Variants in PHLDB2 observed in about 807,000 individuals in gnomAD.
PHLDB2 encodes the protein pleckstrin homology like domain family B member 2.
A neutral mutation model predicts 123.6 loss-of-function variants in PHLDB2; 71 were observed. The observed-to-expected ratio is 0.57, with a 90% CI of 0.47 to 0.70. The LOEUF is 0.70. Among genes scored for constraint, PHLDB2 ranks in the 30% least tolerant of loss-of-function variants. PHLDB2 has a pLI of 0.00. For synonymous variants in PHLDB2, 547 were observed against 541.6 expected (o/e 1.01, Z -0.14); for missense variants, 1,446 against 1,519.5 (o/e 0.95, Z 0.80).
At chr3:111,764,199 G>A (rs953335019) in intron 1 of PHLDB2, among the ~76,000 whole-genome samples, 1 of 152,176 alleles carries the variant, frequency 6.6e-6, no homozygotes, top group African/African-American at 2.4e-5. Flanking sequence ...ATCTGATGAA[G>A]TAATGTTTGG....
At chr3:111,831,042 G>GAAGGAAGGAAGGAAGA (rs1559855461) in intron 1 of PHLDB2, among the ~76,000 whole-genome samples, 1 of 105,346 alleles carries the variant, frequency 9.5e-6, no homozygotes, top group African/African-American at 5.3e-5. Context: ...AGGAAGGAAG[G>GAAGGAAGGAAGGAAGA]AAGAAAGAGA....
chr3:111,779,243 A>G (rs1052803018), intron 1 of PHLDB2, among the ~76,000 whole-genome samples: 3 of 137,738 alleles, frequency 2.2e-5, no homozygotes, highest in African/African-American at 6.3e-5. Flanking sequence ...CAAAATCTAT[A>G]TATTTTTTTC....
chr3:111,904,630 C>A lies in PHLDB2; in HGVS notation c.1336-8689C>A, dbSNP rs369968714. 8.1e-4 allele frequency among the ~76,000 whole-genome samples: 123 copies of A among 152,130 alleles called. 1 individual carries two copies. The highest frequency in any genetic ancestry group is 3.7e-3 in the Admixed American group (57 of 15,266). ...GAAGTAGGGAAGTAGAAAAGTAGAT[C>A]TACTGGATAATCTGATCAAGATGGC... is the stretch of plus-strand genomic sequence containing the variant. On this transcript the variant is annotated intron_variant, in intron 2 of 17. Transcript: ENST00000431670.
chr3:111,926,709 T>A (rs2068831952), intron 5 of PHLDB2, among the ~76,000 whole-genome samples: 1 of 152,120 alleles, frequency 6.6e-6, no homozygotes, highest in South Asian at 2.1e-4. Context: ...CAGAGAATGG[T>A]TGGTTACTCA....
intron 1 of PHLDB2, among the ~76,000 whole-genome samples, chr3:111,770,543 C>T (rs1400515487): frequency 2.0e-5 from 3 of 152,204 alleles, no homozygotes; most frequent in South Asian, 2.1e-4. Flanking sequence ...ACAAAATATG[C>T]CAGGTTATAA....
At chr3:111,898,281 A>G (rs1196354177) in intron 2 of PHLDB2, among the ~76,000 whole-genome samples, 2 of 151,662 alleles carry the variant, frequency 1.3e-5, no homozygotes, top group African/African-American at 4.9e-5. Flanking sequence ...TCCTGACATC[A>G]AGTGATTCTC....
chr3:111,923,143 C>T (rs897537587), intron 5 of PHLDB2, among the ~76,000 whole-genome samples: 2 of 152,028 alleles, frequency 1.3e-5, no homozygotes, highest in African/African-American at 4.8e-5. Context: ...CTTCATTTTC[C>T]AATTAAACAT....
At chr3:111,780,327 A>G (rs76892357) in intron 1 of PHLDB2, among the ~76,000 whole-genome samples, 894 of 10,378 alleles carry the variant, frequency 0.086, 72 homozygotes, top group Non-Finnish European at 0.22. Flanking sequence ...AAGAGGAAGA[A>G]GAAGAAGAAG....
chr3:111,927,478 G>T (rs1031814645), intron 5 of PHLDB2, among the ~76,000 whole-genome samples: 1 of 152,164 alleles, frequency 6.6e-6, no homozygotes, highest in Non-Finnish European at 1.5e-5. Flanking sequence ...TGTGGCCCGC[G>T]TGCCTAGAGT....
At chr3:111,761,798 C>T (rs929043212) in intron 1 of PHLDB2, among the ~76,000 whole-genome samples, 3 of 152,218 alleles carry the variant, frequency 2.0e-5, no homozygotes, top group Admixed American at 6.5e-5. Flanking sequence ...TAGGCAATAC[C>T]GGTTTCAGAA....
In PHLDB2 at chr3:111,910,084, T is replaced by G. The variant is rs566301932; in HGVS notation, c.1336-3235T>G. On this transcript the variant is annotated intron_variant, in intron 2 of 17. Transcript: ENST00000431670. ...GGGAACAATGTCAGACACAGTCCTC[T>G]GAAGATGGAAAAAAGCTCAGAGGTC... is the stretch of plus-strand genomic sequence containing the variant. Among the ~76,000 whole-genome samples, 25 of 152,276 alleles carry G rather than the reference T, an allele frequency of 1.6e-4. No individual in the cohort carries two copies. In the South Asian group the frequency reaches 5.0e-3, roughly 30 times the overall value.
chr3:111,854,144 A>T (rs536764203), intron 2 of PHLDB2, among the ~76,000 whole-genome samples: 1 of 152,330 alleles, frequency 6.6e-6, no homozygotes, highest in South Asian at 2.1e-4. Flanking sequence ...AATGAATGCA[A>T]GAAGGGGAAA....
At chr3:111,870,513 C>G (rs1309688795) in intron 1 of PHLDB2, among the ~76,000 whole-genome samples, 4 of 152,038 alleles carry the variant, frequency 2.6e-5, no homozygotes, top group African/African-American at 9.7e-5. Context: ...GTTTCTGGAG[C>G]TTCTAATAAT....
At chr3:111,949,809 C>T (rs375833893) in intron 10 of PHLDB2, 5 of 985,820 alleles carry the variant, frequency 5.1e-6, no homozygotes, top group Admixed American at 1.2e-4. Flanking sequence ...CTACATCTGT[C>T]GATCCTTTAC....
At chr3:111,913,855 A>G in intron 3 of PHLDB2, 153 bp downstream of exon 3, 2 of 1,025,920 alleles carry the variant, frequency 1.9e-6, no homozygotes, top group Non-Finnish European at 2.8e-6. Flanking sequence ...AGGTGCAGCA[A>G]ATTAGGGTGT....
In PHLDB2 at chr3:111,774,914, G is replaced by A. The variant is rs12637506; in HGVS notation, c.-49+42211G>A. On this transcript the variant is annotated intron_variant, in intron 1 of 17. Transcript: ENST00000393923. The stretch of plus-strand genomic sequence containing the variant: ...GTCGGGGAAACATGAAAATACTCTC[G>A]ATGGATTGGATTCTGCCTGAATCTC... Among the ~76,000 whole-genome samples the A allele has an allele frequency of 2.6e-3, 394 of 152,220 alleles. 10 individuals carry two copies. The East Asian group carries it at 0.057, about 22-fold the overall frequency.
At chr3:111,952,527 C>T (rs779117123) in intron 10 of PHLDB2, 45 bp from the exon 11 acceptor site, 2 of 1,585,354 alleles carry the variant, frequency 1.3e-6, no homozygotes, top group Admixed American at 1.9e-5. Context: ...TCACCTATTA[C>T]AGTTAGTCAA....
chr3:111,761,683 A>G (rs2059997286), intron 1 of PHLDB2, among the ~76,000 whole-genome samples: 4 of 152,200 alleles, frequency 2.6e-5, no homozygotes, highest in African/African-American at 9.6e-5. Context: ...CTACACACCC[A>G]GAATTTCTGA....
intron 9 of PHLDB2, among the ~76,000 whole-genome samples, chr3:111,947,269 C>T (rs902912530): frequency 4.6e-5 from 7 of 151,618 alleles, no homozygotes; most frequent in South Asian, 2.1e-4. Context: ...TTATTTCCTG[C>T]AGACATTCTG....
Sources: gnomAD v4.1 joint callset for allele counts (sites outside exome capture counted in the v4.1 genomes callset) on GRCh38, gnomAD v4.1.1 for gene constraint, MANE v1.5 for transcripts, NCBI Gene and HGNC (gene_info 2026-07-23, HGNC 2026-07-21) for gene names.